The following ACADVL variants were observed in gnomAD, a reference collection of about 807,000 sequenced individuals.
ACADVL encodes acyl-CoA dehydrogenase very long chain.
ACADVL carries 73 observed loss-of-function variants against 80.4 expected under a neutral mutation model. That is an observed-to-expected ratio of 0.91 (90% CI 0.75 to 1.10). The LOEUF (loss-of-function observed/expected upper bound fraction) is 1.10. Ranked by LOEUF, ACADVL falls within the 50% of genes least tolerant of loss-of-function variation. The pLI is 0.00. For synonymous variants in ACADVL, 392 were observed against 326.5 expected, an observed-to-expected ratio of 1.20 and a Z score of -2.16; for missense variants, 878 against 858.9, an observed-to-expected ratio of 1.02 and a Z score of -0.28.
In ACADVL at chr17:7,221,554, A is replaced by C. The variant is rs1248423287; in HGVS notation, c.494A>C (p.Glu165Ala). 6.2e-7 allele frequency: 1 copy of C among 1,614,086 alleles called. No individual in the cohort carries two copies. The highest frequency in any genetic ancestry group is 1.7e-5 in the Admixed American group (1 of 60,022). ...LCNTQYARLV[E>A]IVGMHDLGVG... Reference sequence around the variant, plus strand: ...CCCCTCCAGTACGCCCGTTTGGTGGAGATCGTGGGCATGCATGACCTTGGC... The same window carrying C: ...CCCCTCCAGTACGCCCGTTTGGTGGCGATCGTGGGCATGCATGACCTTGGC... The change falls in exon 7 of 20, where the codon GAG (glutamate) becomes GCG (alanine). Residue 165 changes from glutamate (E) to alanine (A), a missense_variant. Physicochemically the swap from Glu to Ala is moderately radical, Grantham distance 107. Coordinates refer to ENST00000356839, the MANE Select transcript of ACADVL (RefSeq NM_000018.4).
chr17:7,224,110 AGT>A, intron 14 of ACADVL, 34 bp from the exon 15 acceptor site: 3 of 1,613,522 alleles, frequency 1.9e-6, no homozygotes, highest in Non-Finnish European at 2.5e-6. Context: ...TGGGGAGGAC[AGT>A]GAGTCCTGAC....
upstream of ACADVL, chr17:7,218,171 T>G: frequency 1.5e-6 from 2 of 1,365,776 alleles, no homozygotes; most frequent in Non-Finnish European, 2.0e-6. Flanking sequence ...GTAATATTAG[T>G]GATATTTGGC....
chr17:7,219,082 G>A (rs1567557907), upstream of ACADVL: 4 of 593,098 alleles, frequency 6.7e-6, no homozygotes, highest in Non-Finnish European at 1.2e-5. Context: ...CCAGCAAAGA[G>A]GGCCTCCTCA....
In ACADVL at chr17:7,221,529, C is replaced by T. The variant is rs199678144; in HGVS notation, c.478-9C>T. 1.2e-6 allele frequency: 2 copies of T among 1,614,022 alleles called. No individual in the cohort carries two copies. The highest frequency in any genetic ancestry group is 8.5e-7 in the Non-Finnish European group (1 of 1,180,034). On this transcript the variant is annotated splice_polypyrimidine_tract_variant and intron_variant, in intron 6 of 19. Transcript: ENST00000356839. ...CAGTGACAACCCCAGATTCCTGCTTCCCCTCCAGTACGCCCGTTTGGTGGA... is the reference window on the plus strand; with the variant it reads ...CAGTGACAACCCCAGATTCCTGCTTTCCCTCCAGTACGCCCGTTTGGTGGA...
rs2071362937 is a variant in ACADVL at position 7,224,146 on chromosome 17, G to A, written c.1435G>A (p.Asp479Asn). 8.7e-6 allele frequency: 14 copies of A among 1,614,126 alleles called. No homozygotes were observed. Among genetic ancestry groups the A allele is most frequent in the Non-Finnish European group, 1.2e-5 (14 of 1,180,024 alleles). ...ACTGCTGGACCCTCTTCCCCCATAG[G>A]ACAAAGGAAAGGAGCTCTCTGGGCT... ...RLFVALQGCMDKGKELSGLGS... is the reference protein window; with the variant it reads ...RLFVALQGCMNKGKELSGLGS... Residue 479 changes from aspartate (D) to asparagine (N), a missense_variant and splice_region_variant, in exon 15 of 20, where the codon GAC becomes AAC. Physicochemically the swap from Asp to Asn is conservative, Grantham distance 23. Transcript: ENST00000356839.
chr17:7,218,918 ATTCCAGCTG>A (rs2071060416), upstream of ACADVL: 2 of 1,562,882 alleles, frequency 1.3e-6, no homozygotes, highest in Admixed American at 3.3e-5. Context: ...TCCCCACTAA[ATTCCAGCTG>A]TGAGTAAAGT....
intron 10 of ACADVL, 63 bp from the exon 11 acceptor site, chr17:7,223,070 C>T (rs554287479): frequency 1.4e-5 from 22 of 1,536,736 alleles, no homozygotes; most frequent in Admixed American, 6.7e-5. Context: ...AAGCCCAGCC[C>T]CTCTCCTAGG....
chr17:7,224,850 A>G lies in ACADVL; in HGVS notation c.1793A>G (p.His598Arg), dbSNP rs2142990829. The change falls in exon 19 of 20, where the codon CAT (histidine) becomes CGT (arginine). Residue 598 changes from histidine to arginine, a missense_variant. His to Arg is a conservative substitution (Grantham distance 29, BLOSUM62 0). Coordinates refer to ENST00000356839, the MANE Select transcript of ACADVL (RefSeq NM_000018.4). ...SLSEGHPTAQ[H>R]EKMLCDTWCI... ...AGTGAGGGCCACCCCACGGCCCAGC[A>G]TGAGAAAATGCTCTGTGACACCTGG... 4 of 1,614,096 alleles carry G rather than the reference A, an allele frequency of 2.5e-6. No individual in the cohort carries two copies. Among genetic ancestry groups the G allele is most frequent in the Non-Finnish European group, 3.4e-6 (4 of 1,180,024 alleles).
At chr17:7,223,519 A>C in intron 11 of ACADVL, 125 bp from the exon 12 acceptor site, 1 of 1,073,948 alleles carries the variant, frequency 9.3e-7, no homozygotes, top group Non-Finnish European at 1.4e-6. Flanking sequence ...GAACTGACCC[A>C]GAACAAGTAT....
In ACADVL at chr17:7,220,124, C is replaced by T. The variant is rs727503788; in HGVS notation, c.65C>T (p.Ser22Leu). 126 of 1,569,438 alleles carry T rather than the reference C, an allele frequency of 8.0e-5. No individual in the cohort carries two copies. The South Asian group carries it at 9.9e-4, about 12-fold the overall frequency. ...RQLLRLGGGS[S>L]RLTALLGQPR... ...CACTGAACCCCCACTCCCCACAGCTCGCGGCTCACGGCGCTCCTGGGGCAG... is the reference window on the plus strand; with the variant it reads ...CACTGAACCCCCACTCCCCACAGCTTGCGGCTCACGGCGCTCCTGGGGCAG... Residue 22 changes from serine to leucine, a missense_variant and splice_region_variant, in exon 2 of 20, where the codon TCG (serine) becomes TTG (leucine). Ser to Leu is a moderately radical substitution (Grantham distance 145). Transcript: ENST00000356839.
At position 7,224,677 on chromosome 17, in the gene ACADVL, G is replaced by A; in HGVS notation, c.1714G>A (p.Ala572Thr). 6.4e-7 allele frequency: 1 copy of A among 1,574,534 alleles called. No homozygotes were observed. Among genetic ancestry groups the A allele is most frequent in the Non-Finnish European group, 8.6e-7 (1 of 1,160,712 alleles). ...QFLLQRLADG[A>T]IDLYAMVVVL... ...TCTGCTGCAGCGGCTGGCAGACGGG[G>A]CCATCGACCTCTATGCCATGGTGGT... The change falls in exon 18 of 20, where the codon GCC becomes ACC. Residue 572 changes from alanine (A) to threonine (T), a missense_variant. Ala to Thr is a moderately conservative substitution (Grantham distance 58, BLOSUM62 0). Coordinates refer to ENST00000356839, the MANE Select transcript of ACADVL (RefSeq NM_000018.4).
chr17:7,223,024 A>C (rs1157234622), intron 10 of ACADVL, 109 bp from the exon 11 acceptor site: 2 of 1,452,288 alleles, frequency 1.4e-6, no homozygotes, highest in African/African-American at 2.8e-5. Context: ...GCGTAGACTG[A>C]ACTCTGGTTG....
rs1469316904 is a variant in ACADVL, at chr17:7,223,845, C to A, written c.1302C>A (p.Ile434=). The A allele has an allele frequency of 5.6e-6, 9 of 1,613,936 alleles. No individual in the cohort carries two copies. Among genetic ancestry groups the A allele is most frequent in the Non-Finnish European group, 7.6e-6 (9 of 1,180,024 alleles). Residue 434 remains isoleucine, a synonymous_variant, in exon 13 of 20, where the codon ATC becomes ATA. Transcript: ENST00000356839. ...CCTGGAAGGTGACAGATGAATGCAT[C>A]CAAATCATGGGGGGTATGGGCTTCA... ...EAAWKVTDEC[I]QIMGGMGFMK... is the part of the protein sequence containing the mutation.
At chr17:7,217,539 G>T (rs1487338925), upstream of ACADVL, 1 of 702,274 alleles carries the variant, frequency 1.4e-6, no homozygotes, top group Non-Finnish European at 1.7e-6. Context: ...CAGGGGCTAG[G>T]GGCCGTGGCG....
upstream of ACADVL, chr17:7,219,665 C>A (rs1420556108): frequency 7.6e-7 from 1 of 1,308,232 alleles, no homozygotes; most frequent in East Asian, 3.4e-5. Flanking sequence ...CTCCATCCCT[C>A]TGGCTGCAGT....
rs758504024 is a variant in ACADVL, at chr17:7,222,198, C to T, written c.774C>T (p.Ile258=). ...ACAGTAATGGGGGCCTAGCAGACAT[C>T]TTCACGGTCTTTGCCAAGACACCAG... is the stretch of plus-strand genomic sequence containing the variant. ...LWISNGGLAD[I]FTVFAKTPVT... is the part of the protein sequence containing the mutation. Residue 258 remains isoleucine, a synonymous_variant, in exon 9 of 20, where the codon ATC becomes ATT. Coordinates refer to ENST00000356839, the MANE Select transcript of ACADVL (RefSeq NM_000018.4). 2 of 1,614,060 alleles carry T rather than the reference C, an allele frequency of 1.2e-6. No individual in the cohort carries two copies. The highest frequency in any genetic ancestry group is 1.3e-5 in the African/African-American group (1 of 74,922).
chr17:7,223,812 G>C lies in ACADVL; in HGVS notation c.1270-1G>C. ...CAGTCTCATCTGTTCTTTGTCCCTA[G>C]GAGGCAGCCTGGAAGGTGACAGATG... On this transcript the variant is annotated splice_acceptor_variant, in intron 12 of 19. Transcript: ENST00000356839. LOFTEE classifies it high-confidence loss of function. 1 of 1,614,138 alleles carries C rather than the reference G, an allele frequency of 6.2e-7. No individual in the cohort carries two copies. The highest frequency in any genetic ancestry group is 8.5e-7 in the Non-Finnish European group (1 of 1,180,028).
In ACADVL at chr17:7,220,033, C is replaced by A; in HGVS notation, c.49C>A (p.Leu17Ile). 1.2e-6 allele frequency: 2 copies of A among 1,604,908 alleles called. No individual in the cohort carries two copies. The highest frequency in any genetic ancestry group is 2.7e-5 in the African/African-American group (2 of 74,992). Residue 17 changes from leucine (L) to isoleucine (I), a missense_variant, in exon 1 of 20, where the codon CTC (leucine) becomes ATC (isoleucine). Transcript: ENST00000356839. ...GAGCTTGGGGCGGCAGCTGCTGAGG[C>A]TCGGGGGCGGAAGGTCTGTGTGTGA... is the stretch of plus-strand genomic sequence containing the variant. Reference protein sequence around the residue: ...AASLGRQLLRLGGGSSRLTAL... With the variant: ...AASLGRQLLRIGGGSSRLTAL...
At position 7,225,242 on chromosome 17, in the gene ACADVL, A is replaced by G. The variant is rs2071421366; in HGVS notation, c.*145A>G. 22 of 1,103,076 alleles carry G rather than the reference A, an allele frequency of 2.0e-5. No homozygotes were observed. The South Asian group carries it at 2.8e-4, about 14-fold the overall frequency. The allele number at this position is 1,103,076 out of a possible 1,614,324, so 68.3% of individuals were successfully genotyped here. On this transcript the variant is annotated 3_prime_UTR_variant, in exon 20 of 20. Transcript: ENST00000356839. ...TCTCAAGAGCACTTACTGCCTCGCAAATAATAAAAATTTCTAGCCAGTCAT... is the reference window on the plus strand; with the variant it reads ...TCTCAAGAGCACTTACTGCCTCGCAGATAATAAAAATTTCTAGCCAGTCAT...
Sources: gnomAD v4.1 joint callset for allele counts on GRCh38, gnomAD v4.1.1 for gene constraint, MANE v1.5 for transcripts, NCBI Gene and HGNC (gene_info 2026-07-23, HGNC 2026-07-21) for gene names.